KDM2B: variants seen among roughly 807,000 people sequenced by gnomAD.
KDM2B encodes the protein lysine-specific demethylase 2B.
KDM2B carries 26 observed loss-of-function variants against 150.0 expected under a neutral mutation model. The ratio of observed to expected loss-of-function variants is 0.17; its 90% confidence interval spans 0.13 to 0.24. The LOEUF is 0.24. KDM2B is among the 10% of genes least tolerant of loss of function. The pLI, the probability that KDM2B is intolerant of heterozygous loss-of-function variation, is 1.00. For missense variants in KDM2B, 1,265 were observed against 1,816.9 expected (o/e 0.70, Z 5.52); for synonymous variants, 734 against 729.5 (o/e 1.01, Z -0.10).
At position 121,580,354 on chromosome 12, in the gene KDM2B, G is replaced by A. The variant is rs1190295218; in HGVS notation, c.126+432C>T. 3.2e-5 allele frequency: 36 copies of A among 1,117,898 alleles called. No individual in the cohort carries two copies. The African/African-American group carries it at 5.7e-4, about 18-fold the overall frequency. 69.2% of individuals were successfully genotyped at this position (1,117,898 alleles called of 1,614,324 possible). The stretch of plus-strand genomic sequence containing the variant: ...GGCTATTTGGGGGGGCTCTCGGCCC[G>A]GGCTTGGGGGGGTGGGGGCGGCGGC... On this transcript the variant is annotated intron_variant, in intron 1 of 22. Transcript: ENST00000377071.
In KDM2B at chr12:121,442,164, T is replaced by C. The variant is rs1555288436; in HGVS notation, c.3277A>G (p.Asn1093Asp). 1 of 1,613,322 alleles carries C rather than the reference T, an allele frequency of 6.2e-7. No individual in the cohort carries two copies. Among genetic ancestry groups the C allele is most frequent in the Non-Finnish European group, 8.5e-7 (1 of 1,179,964 alleles). ...ACACAGGCCGCCGCTCACCAGCGGTTCCAGGTCCTGCAGACCCGCATGCAC... is the reference window on the plus strand; with the variant it reads ...ACACAGGCCGCCGCTCACCAGCGGTCCCAGGTCCTGCAGACCCGCATGCAC... Reference protein sequence around the residue: ...CVCMRVCRTWNRWCCDKRLWT... With the variant: ...CVCMRVCRTWDRWCCDKRLWT... Residue 1093 changes from asparagine (N) to aspartate (D), a missense_variant, in exon 19 of 23, where the codon AAC becomes GAC. Coordinates refer to ENST00000377071, the MANE Select transcript of KDM2B (RefSeq NM_032590.5). The surrounding 1 kb of genome is among the most constrained non-coding windows in gnomAD (Gnocchi z 7.7).
intron 22 of KDM2B, among the ~76,000 whole-genome samples, chr12:121,431,390 C>G (rs1872990785): frequency 6.7e-6 from 1 of 148,194 alleles, no homozygotes; most frequent in Admixed American, 6.9e-5. Context: ...CTCATGTGAT[C>G]CGCCCACCTC....
chr12:121,517,530 T>C (rs1886320185), intron 9 of KDM2B, among the ~76,000 whole-genome samples: 1 of 150,538 alleles, frequency 6.6e-6, no homozygotes, highest in Non-Finnish European at 1.5e-5. Flanking sequence ...GTGCAGTGGC[T>C]CAATCTAAGC....
chr12:121,498,589 T>C (rs1305180717), intron 11 of KDM2B, among the ~76,000 whole-genome samples: 1 of 152,206 alleles, frequency 6.6e-6, no homozygotes, highest in East Asian at 1.9e-4. Context: ...GCCACCAATT[T>C]GCAAAGATGG....
At chr12:121,504,855 G>A (rs1455497757) in intron 11 of KDM2B, among the ~76,000 whole-genome samples, 2 of 152,064 alleles carry the variant, frequency 1.3e-5, no homozygotes, top group East Asian at 3.9e-4. Flanking sequence ...GGTGGCTCAC[G>A]CCTGTAATCC....
intron 10 of KDM2B, among the ~76,000 whole-genome samples, chr12:121,510,414 GT>G (rs112514367): frequency 6.7e-6 from 1 of 150,004 alleles, no homozygotes; most frequent in Admixed American, 6.7e-5. Context: ...CACTCAGCTA[GT>G]TTTTTTTTTA....
chr12:121,446,584 G>A (rs1876335008), intron 13 of KDM2B, among the ~76,000 whole-genome samples: 1 of 151,588 alleles, frequency 6.6e-6, no homozygotes, highest in African/African-American at 2.4e-5. Flanking sequence ...GCTGGGAGGT[G>A]AAATGGCCAC....
At chr12:121,445,209 C>G in intron 14 of KDM2B, 66 bp downstream of exon 14, 2 of 1,562,006 alleles carry the variant, frequency 1.3e-6, no homozygotes, top group Non-Finnish European at 1.7e-6. Context: ...ACCATCTCAC[C>G]AGCATCTCCA....
In KDM2B at chr12:121,445,102, G is replaced by A. The variant is rs1041699315; in HGVS notation, c.2103+173C>T. 15 of 665,110 alleles carry A rather than the reference G, an allele frequency of 2.3e-5. No homozygotes were observed. The African/African-American group carries it at 2.7e-4, about 12-fold the overall frequency. 41.2% of individuals were successfully genotyped at this position (665,110 alleles called of 1,614,324 possible). On this transcript the variant is annotated intron_variant, in intron 14 of 22. Transcript: ENST00000377071. ...CCTTTGATGACACTGGGTCTCTGAG[G>A]TACTCCAGGCCCTCCTTGCCCCGGG... is the stretch of plus-strand genomic sequence containing the variant.
chr12:121,544,114 CAAA>C (rs57873693), intron 6 of KDM2B, among the ~76,000 whole-genome samples: 2 of 42,924 alleles, frequency 4.7e-5, no homozygotes, highest in Admixed American at 2.5e-4. Flanking sequence ...GACCCTGCCT[CAAA>C]AAAAAAAAAA....
intron 11 of KDM2B, among the ~76,000 whole-genome samples, chr12:121,508,097 T>G (rs1476717538): frequency 6.6e-6 from 1 of 151,842 alleles, no homozygotes; most frequent in African/African-American, 2.4e-5. Context: ...TTGTTTTGGG[T>G]TTTTTTTCAG....
At chr12:121,527,035 A>G (rs1887202715) in intron 8 of KDM2B, among the ~76,000 whole-genome samples, 1 of 151,920 alleles carries the variant, frequency 6.6e-6, no homozygotes, top group Non-Finnish European at 1.5e-5. Context: ...TCTGTCTGAA[A>G]AATTAAATAA....
At chr12:121,484,767 G>A (rs1882573243) in intron 12 of KDM2B, among the ~76,000 whole-genome samples, 1 of 152,104 alleles carries the variant, frequency 6.6e-6, no homozygotes, top group Admixed American at 6.6e-5. Flanking sequence ...GCAGTGAGCT[G>A]TGATTGCGAC....
At chr12:121,561,631 G>A (rs1449271331) in intron 4 of KDM2B, among the ~76,000 whole-genome samples, 5 of 152,158 alleles carry the variant, frequency 3.3e-5, no homozygotes, top group Admixed American at 6.6e-5. Flanking sequence ...CAATGTGCCC[G>A]GAACCACACC....
At chr12:121,581,551 G>C (rs1224556342), upstream of KDM2B, among the ~76,000 whole-genome samples, 4 of 152,172 alleles carry the variant, frequency 2.6e-5, no homozygotes, top group African/African-American at 9.7e-5. Context: ...TCCAGCCCCA[G>C]CTGTGGCGCC....
chr12:121,567,911 T>C (rs1890826619), intron 4 of KDM2B, among the ~76,000 whole-genome samples: 1 of 151,860 alleles, frequency 6.6e-6, no homozygotes, highest in Admixed American at 6.6e-5. Context: ...GTATTTTTAG[T>C]AGACACTGAG....
chr12:121,438,253 C>CA (rs35874014), intron 22 of KDM2B, among the ~76,000 whole-genome samples: 21,736 of 96,838 alleles, frequency 0.22, 2,260 homozygotes, highest in African/African-American at 0.34. Flanking sequence ...GGCTCCATCT[C>CA]AAAAAAAAAA....
downstream of KDM2B, among the ~76,000 whole-genome samples, chr12:121,425,107 C>T (rs1003796247): frequency 1.3e-5 from 2 of 152,018 alleles, no homozygotes; most frequent in East Asian, 1.9e-4. Context: ...GTCAAGAGTT[C>T]GAGACCAGCC....
intron 11 of KDM2B, among the ~76,000 whole-genome samples, chr12:121,500,322 G>A (rs571296621): frequency 2.6e-5 from 4 of 152,210 alleles, no homozygotes; most frequent in East Asian, 1.9e-4. Flanking sequence ...TTACACGCCC[G>A]TCCCCTCCGA....
Sources: gnomAD v4.1 joint callset for allele counts (sites outside exome capture counted in the v4.1 genomes callset) on GRCh38, gnomAD v4.1.1 for gene constraint, Gnocchi (gnomAD v3.1) non-coding constraint, MANE v1.5 for transcripts, NCBI Gene and HGNC (gene_info 2026-07-23, HGNC 2026-07-21) for gene names.